The following BRWD3 variants were observed in gnomAD, a reference collection of about 807,000 sequenced individuals.
BRWD3 encodes the protein bromodomain and WD repeat-containing protein 3.
Under a neutral mutation model 149.7 loss-of-function variants are expected in BRWD3, and 10 were observed. The observed-to-expected ratio is 0.07, with a 90% CI of 0.04 to 0.11. The LOEUF (loss-of-function observed/expected upper bound fraction) is 0.11, where lower values mean the gene tolerates loss of function less well. Ranked by LOEUF, BRWD3 falls within the 10% of genes least tolerant of loss-of-function variation. BRWD3 has a pLI of 1.00. For missense variants in BRWD3, 940 were observed against 1,373.2 expected (o/e 0.68, Z 4.99); for synonymous variants, 504 against 456.7 (o/e 1.10, Z -1.32).
intron 40 of BRWD3, among the ~76,000 whole-genome samples, chrX:80,678,257 A>G (rs2072394989): frequency 8.9e-6 from 1 of 111,864 alleles, no homozygotes; most frequent in East Asian, 2.8e-4. Context: ...GAAACCTTTA[A>G]TTTCAAAGGT....
chrX:80,690,887 G>A (rs183428806), intron 31 of BRWD3, among the ~76,000 whole-genome samples, 166 bp downstream of exon 31: 174 of 111,451 alleles, frequency 1.6e-3, no homozygotes, highest in African/African-American at 5.5e-3. Flanking sequence ...CCCCAAGAGT[G>A]AGAATCTACT....
At chrX:80,754,322 C>T (rs1443585937) in intron 6 of BRWD3, among the ~76,000 whole-genome samples, 3 of 111,625 alleles carry the variant, frequency 2.7e-5, no homozygotes, top group African/African-American at 9.8e-5. Context: ...TTTTGGTGTA[C>T]AGAAATGCTA....
At chrX:80,750,073 C>G (rs2073645616) in intron 6 of BRWD3, among the ~76,000 whole-genome samples, 1 of 111,792 alleles carries the variant, frequency 8.9e-6, no homozygotes, top group African/African-American at 3.2e-5. Flanking sequence ...ATTCTCCTAA[C>G]ATGTACAAAA....
At chrX:80,749,309 C>T (rs1158973277) in intron 6 of BRWD3, among the ~76,000 whole-genome samples, 1 of 111,203 alleles carries the variant, frequency 9.0e-6, no homozygotes. Flanking sequence ...TGCAGTGTCT[C>T]TCTCTCTCTT....
chrX:80,786,420 G>A (rs924094937), intron 6 of BRWD3, among the ~76,000 whole-genome samples: 1 of 110,675 alleles, frequency 9.0e-6, no homozygotes, highest in Non-Finnish European at 1.9e-5. Flanking sequence ...CTGAAAAAAG[G>A]GCATTTATCA....
chrX:80,695,882 T>C (rs974282975), intron 27 of BRWD3, 26 bp downstream of exon 27: 1 of 1,130,636 alleles, frequency 8.8e-7, no homozygotes, highest in Admixed American at 2.2e-5. Flanking sequence ...AGCTTAATAG[T>C]TATTAAACAA....
At chrX:80,799,031 C>T (rs1220952601) in intron 4 of BRWD3, among the ~76,000 whole-genome samples, 1 of 111,844 alleles carries the variant, frequency 8.9e-6, no homozygotes, top group Non-Finnish European at 1.9e-5. Context: ...ATAATGATAG[C>T]AATCATTAAC....
intron 8 of BRWD3, 63 bp from the exon 9 acceptor site, chrX:80,736,151 G>T (rs1275165400): frequency 2.9e-6 from 2 of 685,383 alleles, no homozygotes; most frequent in Non-Finnish European, 4.4e-6. Flanking sequence ...CATCAAACAC[G>T]GAGTATTTTC....
At chrX:80,769,481 G>A (rs1265760774) in intron 6 of BRWD3, among the ~76,000 whole-genome samples, 1 of 111,421 alleles carries the variant, frequency 9.0e-6, no homozygotes, top group African/African-American at 3.3e-5. Context: ...ACAACCTGCT[G>A]CTCAATGACT....
In BRWD3 at chrX:80,681,351, T is replaced by C; in HGVS notation, c.4644A>G (p.Pro1548=). The change falls in exon 40 of 41, where the codon CCA becomes CCG. Residue 1548 remains proline (P), a synonymous_variant. Coordinates refer to ENST00000373275, the MANE Select transcript of BRWD3 (RefSeq NM_153252.5). The stretch of plus-strand genomic sequence containing the variant: ...GTATTTATTTCCTACCTTGTTTAAC[T>C]GGCAAAACTCTATTCCGAAATGATT... ...KAKSFRNRVL[P]VKQDHSLDGP... 8.3e-7 allele frequency: 1 copy of C among 1,210,400 alleles called. No individual in the cohort carries two copies. The highest frequency in any genetic ancestry group is 1.1e-6 in the Non-Finnish European group (1 of 894,622).
At chrX:80,771,551 T>C (rs2073943895) in intron 6 of BRWD3, among the ~76,000 whole-genome samples, 1 of 111,715 alleles carries the variant, frequency 9.0e-6, no homozygotes, top group East Asian at 2.8e-4. Context: ...TAGCCATATG[T>C]AGAAAGCTGA....
intron 16 of BRWD3, among the ~76,000 whole-genome samples, chrX:80,723,466 C>T (rs758301708): frequency 4.5e-5 from 5 of 110,752 alleles, no homozygotes; most frequent in South Asian, 7.9e-4. Flanking sequence ...AATTACTCTC[C>T]TATTATACCT....
In BRWD3 at chrX:80,671,571, T is replaced by C. The variant is rs1569240985; in HGVS notation, c.*5038A>G. On this transcript the variant is annotated 3_prime_UTR_variant, in exon 41 of 41. Coordinates refer to ENST00000373275, the MANE Select transcript of BRWD3 (RefSeq NM_153252.5). ...TGATTCCAAACAACTTGGAATTTTA[T>C]TGTAAACATCCCATAAAGAATGGCA... The C allele has an allele frequency of 8.9e-6, 1 of 112,251 alleles. No individual in the cohort carries two copies. The highest frequency in any genetic ancestry group is 1.9e-5 in the Non-Finnish European group (1 of 53,273). 9.3% of individuals were successfully genotyped at this position (112,251 alleles called of 1,213,427 possible).
Position 80,710,842 on chromosome X carries a change from A to G in BRWD3, c.2326-1265T>C, listed in dbSNP as rs6616697. On this transcript the variant is annotated intron_variant, in intron 20 of 40. Coordinates refer to ENST00000373275, the MANE Select transcript of BRWD3 (RefSeq NM_153252.5). ...TCAGTCCAGATGTGAGTTTTTTCTA[A>G]GCAACCTCACTAAAACCATATAATG... The G allele has an allele frequency of 8.8e-3, 2,674 of 302,388 alleles. 68 individuals carry two copies. Among genetic ancestry groups the G allele is most frequent in the African/African-American group, 0.066 (2,423 of 36,765 alleles). 24.9% of individuals were successfully genotyped at this position (302,388 alleles called of 1,213,427 possible). A position where few individuals can be genotyped will look rare whatever the true frequency, so the allele number is the denominator to read the frequency against.
At chrX:80,806,448 T>C (rs2074348854) in intron 4 of BRWD3, among the ~76,000 whole-genome samples, 1 of 111,743 alleles carries the variant, frequency 8.9e-6, no homozygotes, top group Admixed American at 9.5e-5. Flanking sequence ...AAACTCACTC[T>C]AAATACCTAG....
At chrX:80,762,351 C>T (rs749630984) in intron 6 of BRWD3, among the ~76,000 whole-genome samples, 17 of 111,732 alleles carry the variant, frequency 1.5e-4, no homozygotes, top group Non-Finnish European at 2.3e-4. Context: ...GTCCTAAAAG[C>T]GATAAGTGAC....
intron 4 of BRWD3, among the ~76,000 whole-genome samples, chrX:80,796,223 T>G (rs1052000678): frequency 9.1e-6 from 1 of 109,401 alleles, no homozygotes; most frequent in East Asian, 2.9e-4. Context: ...CTCCGCCTCC[T>G]GGGTTCAAGT....
chrX:80,682,648 A>G lies in BRWD3; in HGVS notation c.4234-20T>C. 1 of 1,196,575 alleles carries G rather than the reference A, an allele frequency of 8.4e-7. No homozygotes were observed. The highest frequency in any genetic ancestry group is 1.1e-6 in the Non-Finnish European group (1 of 883,387). On this transcript the variant is annotated intron_variant, in intron 37 of 40. Coordinates refer to ENST00000373275, the MANE Select transcript of BRWD3 (RefSeq NM_153252.5). ...ATAGATCTGAGAAGGCAGAAATTAT[A>G]TAGTCTTAACTAGTTTTATATTTTA... is the stretch of plus-strand genomic sequence containing the variant.
intron 6 of BRWD3, among the ~76,000 whole-genome samples, chrX:80,763,541 C>A (rs1036448109): frequency 5.4e-5 from 6 of 111,580 alleles, no homozygotes; most frequent in Admixed American, 9.6e-5. Flanking sequence ...AGCAAGATCA[C>A]AAGAAACAAG....
Sources: gnomAD v4.1 joint callset for allele counts (sites outside exome capture counted in the v4.1 genomes callset) on GRCh38, gnomAD v4.1.1 for gene constraint, MANE v1.5 for transcripts, NCBI Gene and HGNC (gene_info 2026-07-23, HGNC 2026-07-21) for gene names.